MTCL2: variants seen among roughly 807,000 people sequenced by gnomAD.
MTCL2 encodes microtubule cross-linking factor 2.
the MTCL2 span, chr20:36,839,446 G>A: frequency 8.7e-6 from 14 of 1,612,052 alleles, no homozygotes; most frequent in Middle Eastern, 1.6e-4. The surrounding 1 kb of genome is among the most constrained non-coding windows in gnomAD (Gnocchi z 5.1). Flanking sequence ...CTCGTCCTGC[G>A]GAGGGAAGGA....
At chr20:36,839,123 A>G in the MTCL2 span, 1 of 1,212,210 alleles carries the variant, frequency 8.2e-7, no homozygotes, top group Non-Finnish European at 1.2e-6. The surrounding 1 kb of genome is among the most constrained non-coding windows in gnomAD (Gnocchi z 5.1). Flanking sequence ...GAACTTGGCC[A>G]TGGACACACG....
At chr20:36,791,418 C>T in the MTCL2 span, among the ~76,000 whole-genome samples, 21 of 152,182 alleles carry the variant, frequency 1.4e-4, no homozygotes, top group Non-Finnish European at 2.9e-4. Flanking sequence ...TGATTTTGCA[C>T]CAAGATGTTC....
At chr20:36,853,486 TGC>T in the MTCL2 span, among the ~76,000 whole-genome samples, 1 of 152,178 alleles carries the variant, frequency 6.6e-6, no homozygotes, top group Non-Finnish European at 1.5e-5. Context: ...AAGCGTTTAA[TGC>T]GTTCCAGACA....
the MTCL2 span, chr20:36,816,150 G>A: frequency 5.0e-6 from 8 of 1,613,632 alleles, no homozygotes; most frequent in Non-Finnish European, 6.8e-6. Context: ...CTCCTCGGCT[G>A]ACAGCGCGCT....
the MTCL2 span, chr20:36,786,757 G>A: frequency 3.1e-6 from 3 of 978,806 alleles, no homozygotes; most frequent in African/African-American, 4.9e-5. Flanking sequence ...GTTCCCAGGG[G>A]CTGAAGCTCC....
chr20:36,793,029 A>G, the MTCL2 span, among the ~76,000 whole-genome samples: 1 of 151,994 alleles, frequency 6.6e-6, no homozygotes, highest in African/African-American at 2.4e-5. This position sits in a 1 kb window ranked among gnomAD's most constrained non-coding sequence, Gnocchi z 6.8. Flanking sequence ...CTCAGCCTCC[A>G]GAGCAGCTGG....
chr20:36,829,108 G>A, the MTCL2 span: 68 of 1,569,096 alleles, frequency 4.3e-5, no homozygotes, highest in Non-Finnish European at 5.5e-5. Flanking sequence ...GCTCAGTCTC[G>A]ATGAGCCGCT....
At chr20:36,780,743 G>A in the MTCL2 span, 3 of 152,230 alleles carry the variant, frequency 2.0e-5, no homozygotes, top group Non-Finnish European at 2.9e-5. Flanking sequence ...CTGAGGTATA[G>A]ACTAGAAACA....
the MTCL2 span, among the ~76,000 whole-genome samples, chr20:36,789,247 G>A: frequency 6.6e-6 from 1 of 152,296 alleles, no homozygotes; most frequent in East Asian, 1.9e-4. Flanking sequence ...TTGATGTGGT[G>A]CTGGTTATAT....
the MTCL2 span, chr20:36,794,764 A>AT: frequency 1.2e-6 from 1 of 826,002 alleles, no homozygotes. The surrounding 1 kb of genome is among the most constrained non-coding windows in gnomAD (Gnocchi z 5.4). Flanking sequence ...TTCTGTCTGC[A>AT]TTTTCTTTTT....
chr20:36,807,208 G>A, the MTCL2 span, among the ~76,000 whole-genome samples: 1 of 152,302 alleles, frequency 6.6e-6, no homozygotes, highest in East Asian at 1.9e-4. Context: ...GGTGGCCTGC[G>A]AGAATGATGA....
the MTCL2 span, among the ~76,000 whole-genome samples, chr20:36,825,727 G>T: frequency 6.6e-6 from 1 of 152,218 alleles, no homozygotes; most frequent in African/African-American, 2.4e-5. Flanking sequence ...CAGAAGAATT[G>T]CTCAGGGACC....
At chr20:36,807,771 C>T in the MTCL2 span, among the ~76,000 whole-genome samples, 1 of 151,586 alleles carries the variant, frequency 6.6e-6, no homozygotes, top group Non-Finnish European at 1.5e-5. Flanking sequence ...GTGGCTCATG[C>T]CTGTAATCCC....
At chr20:36,794,875 C>A in the MTCL2 span, 208 of 489,132 alleles carry the variant, frequency 4.3e-4, no homozygotes, top group Non-Finnish European at 6.8e-4. The surrounding 1 kb of genome is among the most constrained non-coding windows in gnomAD (Gnocchi z 5.4). Context: ...CTCAAGTGAT[C>A]CTCCCATTTC....
At chr20:36,786,665 A>G in the MTCL2 span, 2 of 1,538,076 alleles carry the variant, frequency 1.3e-6, no homozygotes. Flanking sequence ...GGGAGGCAGG[A>G]AGTCAAGAGG....
At chr20:36,853,702 G>GGTGTGTGTGT in the MTCL2 span, among the ~76,000 whole-genome samples, 1 of 143,834 alleles carries the variant, frequency 7.0e-6, no homozygotes, top group Non-Finnish European at 1.5e-5. Flanking sequence ...ATCAGGGAGG[G>GGTGTGTGTGT]GTGTGTGTGT....
At chr20:36,821,043 G>A in the MTCL2 span, among the ~76,000 whole-genome samples, 1 of 152,104 alleles carries the variant, frequency 6.6e-6, no homozygotes, top group Non-Finnish European at 1.5e-5. Context: ...AAGTTGCATG[G>A]TTCAACATTC....
At chr20:36,824,508 G>T in the MTCL2 span, among the ~76,000 whole-genome samples, 1 of 152,006 alleles carries the variant, frequency 6.6e-6, no homozygotes, top group East Asian at 1.9e-4. Flanking sequence ...AGAGGGAAAG[G>T]GGGAGTGGGG....
chr20:36,844,400 AAATAAT>A, the MTCL2 span, among the ~76,000 whole-genome samples: 13 of 145,140 alleles, frequency 9.0e-5, no homozygotes, highest in Non-Finnish European at 1.3e-4. Context: ...TACAAAAAAA[AAATAAT>A]AATAATAATA....
Sources: allele counts gnomAD v4.1 joint callset (sites outside exome capture counted in the v4.1 genomes callset), GRCh38; gene constraint gnomAD v4.1.1; non-coding constraint Gnocchi (gnomAD v3.1); transcripts MANE v1.5; gene names NCBI Gene and HGNC (gene_info 2026-07-23, HGNC 2026-07-21).